The following CNR2 variants were observed in gnomAD, a reference collection of about 807,000 sequenced individuals.
The protein encoded by CNR2 is cannabinoid receptor 2 (macrophage).
For missense variants in CNR2, 379 were observed against 439.9 expected (o/e 0.86, Z 1.24); for synonymous variants, 172 against 182.2 (o/e 0.94, Z 0.45).
rs190442646 is a variant in CNR2 at position 23,885,498 on chromosome 1, G to T, written c.-45-9836C>A. Reference sequence around the variant, plus strand: ...ATAAATTACTATCATACATGGAAGTGTTCATTGTTGCCACTGTTGTGATTA... The same window carrying T: ...ATAAATTACTATCATACATGGAAGTTTTCATTGTTGCCACTGTTGTGATTA... On this transcript the variant is annotated intron_variant, in intron 1 of 1. Coordinates refer to ENST00000374472, the MANE Select transcript of CNR2 (RefSeq NM_001841.3). 1.9e-3 allele frequency among the ~76,000 whole-genome samples: 289 copies of T among 152,234 alleles called. 1 individual carries two copies. Among genetic ancestry groups the T allele is most frequent in the Admixed American group, 5.1e-3 (78 of 15,282 alleles).
At chr1:23,884,268 C>T (rs1241143024) in intron 1 of CNR2, among the ~76,000 whole-genome samples, 3 of 91,248 alleles carry the variant, frequency 3.3e-5, no homozygotes, top group East Asian at 2.2e-4. Context: ...TTAGTAGAGA[C>T]GGGGTTGTTG....
At chr1:23,876,079 CAAGTA>C (rs1639869282) in intron 1 of CNR2, among the ~76,000 whole-genome samples, 1 of 152,012 alleles carries the variant, frequency 6.6e-6, no homozygotes. Flanking sequence ...CCAATTTCGG[CAAGTA>C]AAGTACTGAA....
intron 1 of CNR2, among the ~76,000 whole-genome samples, chr1:23,882,451 G>A (rs1640007668): frequency 6.6e-6 from 1 of 152,156 alleles, no homozygotes; most frequent in Admixed American, 6.6e-5. Context: ...CTACGAAATT[G>A]TGAGACATTA....
intron 1 of CNR2, chr1:23,901,807 G>C: frequency 6.3e-7 from 1 of 1,589,238 alleles, no homozygotes; most frequent in Non-Finnish European, 8.6e-7. Flanking sequence ...ACCCACACAG[G>C]CCTAGCCCCG....
intron 1 of CNR2, among the ~76,000 whole-genome samples, chr1:23,881,001 C>T (rs886939606): frequency 2.0e-5 from 3 of 151,364 alleles, no homozygotes; most frequent in African/African-American, 7.3e-5. Flanking sequence ...TAAGGCTGGG[C>T]GTGGTGGCTT....
At chr1:23,893,231 C>T (rs1640218928) in intron 1 of CNR2, among the ~76,000 whole-genome samples, 1 of 152,178 alleles carries the variant, frequency 6.6e-6, no homozygotes, top group African/African-American at 2.4e-5. Context: ...CTCCCCAGAC[C>T]TTTCCTGGAC....
chr1:23,874,066 GT>G lies in CNR2; in HGVS notation c.*468del, dbSNP rs1639814964. On this transcript the variant is annotated 3_prime_UTR_variant, in exon 2 of 2. Transcript: ENST00000374472. Reference sequence around the variant, plus strand: ...CCTCAGTGGCAAGGGTGACTTGAAAGTGGGGCCTTTCATAGCTCCAGAGCCA... The same window carrying G: ...CCTCAGTGGCAAGGGTGACTTGAAAGGGGGCCTTTCATAGCTCCAGAGCCA... 1 of 163,416 alleles carries G rather than the reference GT, an allele frequency of 6.1e-6. No individual in the cohort carries two copies. Among genetic ancestry groups the G allele is most frequent in the Admixed American group, 5.6e-5 (1 of 17,950 alleles). The allele number at this position is 163,416 out of a possible 1,614,324, so 10.1% of individuals were successfully genotyped here.
chr1:23,887,440 T>C (rs999007344), intron 1 of CNR2, among the ~76,000 whole-genome samples: 1 of 152,210 alleles, frequency 6.6e-6, no homozygotes, highest in African/African-American at 2.4e-5. Context: ...CTGGGGCTGA[T>C]GGAGGCTGGC....
chr1:23,886,849 G>A (rs1640100950), intron 1 of CNR2, among the ~76,000 whole-genome samples: 1 of 152,202 alleles, frequency 6.6e-6, no homozygotes, highest in Non-Finnish European at 1.5e-5. Flanking sequence ...GCATAGAGAT[G>A]GCCCTATGCA....
At chr1:23,887,983 G>A (rs894493145) in intron 1 of CNR2, among the ~76,000 whole-genome samples, 2 of 152,270 alleles carry the variant, frequency 1.3e-5, no homozygotes, top group Non-Finnish European at 2.9e-5. Flanking sequence ...AGACAAATAA[G>A]CATAAGCTGC....
intron 1 of CNR2, among the ~76,000 whole-genome samples, chr1:23,883,150 T>C (rs184273997): frequency 6.6e-6 from 1 of 152,224 alleles, no homozygotes; most frequent in East Asian, 1.9e-4. Flanking sequence ...GTAACCTCAA[T>C]AGTAGACAGA....
intron 1 of CNR2, among the ~76,000 whole-genome samples, chr1:23,876,816 CAG>C (rs1259075981): frequency 7.8e-6 from 1 of 127,638 alleles, no homozygotes; most frequent in Non-Finnish European, 1.6e-5. Flanking sequence ...GCCTGGGCGA[CAG>C]AGCAAGACTC....
At chr1:23,879,479 G>A (rs770239696) in intron 1 of CNR2, among the ~76,000 whole-genome samples, 1 of 152,164 alleles carries the variant, frequency 6.6e-6, no homozygotes, top group Non-Finnish European at 1.5e-5. Context: ...CAGGCGTGGT[G>A]ACATATGCCT....
intron 1 of CNR2, among the ~76,000 whole-genome samples, chr1:23,887,272 A>G (rs1294607612): frequency 3.9e-5 from 6 of 152,126 alleles, no homozygotes. Flanking sequence ...GAAAGTTTCC[A>G]GCTCAGGGGG....
intron 1 of CNR2, among the ~76,000 whole-genome samples, chr1:23,900,304 G>A (rs1304985747): frequency 6.6e-6 from 1 of 152,092 alleles, no homozygotes; most frequent in Non-Finnish European, 1.5e-5. Context: ...AATGCTGGTG[G>A]AGACTGATTT....
At chr1:23,913,049 C>G (rs1241469458) in intron 1 of CNR2, among the ~76,000 whole-genome samples, 197 bp downstream of exon 1, 1 of 150,630 alleles carries the variant, frequency 6.6e-6, no homozygotes, top group Non-Finnish European at 1.5e-5. Context: ...CACCTGTAAT[C>G]CCAACTACAC....
In CNR2 at chr1:23,899,730, C is replaced by G. The variant is rs527281868; in HGVS notation, c.-46+13516G>C. Among the ~76,000 whole-genome samples the G allele has an allele frequency of 8.3e-5, 12 of 143,970 alleles. No individual in the cohort carries two copies. In the South Asian group the frequency reaches 1.4e-3, roughly 16 times the overall value. 94.4% of individuals were successfully genotyped at this position (143,970 alleles called of 152,430 possible). A position where few individuals can be genotyped will look rare whatever the true frequency, so the allele number is the denominator to read the frequency against. The stretch of plus-strand genomic sequence containing the variant: ...TCGAGAGGGGGAGGCAGAAGAATCA[C>G]TTGAACCTGGAAGGTGGAGGGTGCA... On this transcript the variant is annotated intron_variant, in intron 1 of 1. Transcript: ENST00000374472.
intron 1 of CNR2, chr1:23,901,613 C>T: frequency 1.2e-6 from 2 of 1,601,424 alleles, no homozygotes; most frequent in Non-Finnish European, 1.7e-6. Flanking sequence ...GCTGAGGTTG[C>T]TGCCGTCCAG....
intron 1 of CNR2, among the ~76,000 whole-genome samples, chr1:23,896,726 T>C (rs1476917075): frequency 6.6e-6 from 1 of 152,096 alleles, no homozygotes; most frequent in Non-Finnish European, 1.5e-5. Context: ...GAAGCTGAGA[T>C]TGTGCCAGGG....
Sources: gnomAD v4.1 joint callset for allele counts (sites outside exome capture counted in the v4.1 genomes callset) on GRCh38, gnomAD v4.1.1 for gene constraint, MANE v1.5 for transcripts, NCBI Gene and HGNC (gene_info 2026-07-23, HGNC 2026-07-21) for gene names.